CNTNAP5: variants seen among roughly 807,000 people sequenced by gnomAD.
CNTNAP5 encodes contactin-associated protein-like 5.
CNTNAP5 carries 72 observed loss-of-function variants against 150.2 expected under a neutral mutation model. The ratio of observed to expected loss-of-function variants is 0.48; its 90% CI spans 0.40 to 0.58. The LOEUF is 0.58. Among genes scored for constraint, CNTNAP5 ranks in the 20% least tolerant of loss-of-function variants. The pLI is 0.00. For missense variants in CNTNAP5, 1,636 were observed against 1,626.2 expected, an observed-to-expected ratio of 1.01 and a Z score of -0.10; for synonymous variants, 672 against 619.8, an observed-to-expected ratio of 1.08 and a Z score of -1.25.
At chr2:124,686,277 T>C (rs1199892693) in intron 13 of CNTNAP5, among the ~76,000 whole-genome samples, 1 of 151,990 alleles carries the variant, frequency 6.6e-6, no homozygotes, top group African/African-American at 2.4e-5. Flanking sequence ...AAAATTATCA[T>C]ATATTTTGGA....
chr2:124,668,968 C>T (rs375802246), intron 13 of CNTNAP5, among the ~76,000 whole-genome samples: 14 of 152,294 alleles, frequency 9.2e-5, no homozygotes, highest in Middle Eastern at 3.4e-3. Context: ...TTCCCACTTC[C>T]AGAGGTGCCT....
chr2:124,416,640 T>C (rs1021376890), intron 3 of CNTNAP5, among the ~76,000 whole-genome samples: 1 of 152,154 alleles, frequency 6.6e-6, no homozygotes, highest in Non-Finnish European at 1.5e-5. Flanking sequence ...GATTTGGAGA[T>C]TTTTTTCCTT....
chr2:124,119,647 C>T (rs1683514735), intron 1 of CNTNAP5, among the ~76,000 whole-genome samples: 1 of 152,076 alleles, frequency 6.6e-6, no homozygotes. Context: ...GTGGCTCATG[C>T]CTGAGATCCC....
intron 7 of CNTNAP5, 50 bp from the exon 8 acceptor site, chr2:124,504,242 T>A: frequency 3.2e-6 from 5 of 1,575,866 alleles, no homozygotes; most frequent in Non-Finnish European, 4.3e-6. Flanking sequence ...AGCTGTCAGA[T>A]TGCGGAATAA....
At chr2:124,250,223 G>A (rs1306458441) in intron 3 of CNTNAP5, among the ~76,000 whole-genome samples, 2 of 152,110 alleles carry the variant, frequency 1.3e-5, no homozygotes, top group African/African-American at 2.4e-5. Context: ...ACTGGGCTCC[G>A]CCTGCAGAAA....
intron 1 of CNTNAP5, among the ~76,000 whole-genome samples, chr2:124,093,452 AG>A (rs1199517459): frequency 6.6e-6 from 1 of 152,240 alleles, no homozygotes; most frequent in Non-Finnish European, 1.5e-5. Flanking sequence ...GTTAAAGCAC[AG>A]ACAACTCAGA....
At chr2:124,812,435 G>A (rs188003164) in intron 19 of CNTNAP5, among the ~76,000 whole-genome samples, 7 of 151,744 alleles carry the variant, frequency 4.6e-5, no homozygotes, top group Non-Finnish European at 8.8e-5. Context: ...ACTGGTTTAG[G>A]CCATGACAGG....
chr2:124,405,543 T>C (rs1181289126), intron 3 of CNTNAP5, among the ~76,000 whole-genome samples: 2 of 152,188 alleles, frequency 1.3e-5, no homozygotes, highest in African/African-American at 2.4e-5. Flanking sequence ...TCTGATAATT[T>C]TTTTTACTTA....
At chr2:124,844,048 A>T (rs563968491) in intron 19 of CNTNAP5, among the ~76,000 whole-genome samples, 14 of 151,942 alleles carry the variant, frequency 9.2e-5, no homozygotes, top group African/African-American at 3.4e-4. Flanking sequence ...CTTTTCTTGC[A>T]TTTGCTTTGG....
intron 19 of CNTNAP5, among the ~76,000 whole-genome samples, chr2:124,827,125 T>C (rs981638326): frequency 6.6e-6 from 1 of 152,154 alleles, no homozygotes; most frequent in Non-Finnish European, 1.5e-5. Flanking sequence ...GATCTCCCTG[T>C]GTTGCTCAGG....
intron 13 of CNTNAP5, among the ~76,000 whole-genome samples, chr2:124,742,584 A>T (rs1332626806): frequency 6.6e-6 from 1 of 151,808 alleles, no homozygotes; most frequent in African/African-American, 2.4e-5. Context: ...TCTTAGGAGG[A>T]TTTATAGATA....
rs1558743727 is a variant in CNTNAP5 at position 124,707,138 on chromosome 2, GAGGAAGAAGAAGAAGAA to G, written c.2078-40090_2078-40074del. ...GAAGAAGAAGAAAGAAGAAGAAGAA[GAGGAAGAAGAAGAAGAA>G]GAAGAAGAAGAAGAAGAAGAAGAAG... On this transcript the variant is annotated intron_variant, in intron 13 of 23. Coordinates refer to ENST00000682447, the MANE Select transcript of CNTNAP5 (RefSeq NM_001367498.1). Among the ~76,000 whole-genome samples, 22 of 80,242 alleles carry G rather than the reference GAGGAAGAAGAAGAAGAA, an allele frequency of 2.7e-4. 1 individual carries two copies. The highest frequency in any genetic ancestry group is 1.3e-3 in the South Asian group (3 of 2,292). The allele number at this position is 80,242 out of a possible 152,430, so 52.6% of individuals were successfully genotyped here.
chr2:124,246,402 C>A (rs970495914), intron 3 of CNTNAP5, among the ~76,000 whole-genome samples: 7 of 152,120 alleles, frequency 4.6e-5, no homozygotes, highest in Non-Finnish European at 2.9e-5. Flanking sequence ...CCTCGCTTCA[C>A]TAAATAATCA....
chr2:124,590,278 C>T (rs1696650215), intron 11 of CNTNAP5, among the ~76,000 whole-genome samples: 1 of 152,190 alleles, frequency 6.6e-6, no homozygotes, highest in African/African-American at 2.4e-5. Flanking sequence ...CTGCACTCTC[C>T]TATCTCCATT....
intron 19 of CNTNAP5, among the ~76,000 whole-genome samples, chr2:124,801,733 A>G (rs915665778): frequency 6.6e-5 from 10 of 152,168 alleles, no homozygotes; most frequent in African/African-American, 1.9e-4. Context: ...TGTTTGTTCT[A>G]TTAGGCCATT....
chr2:124,578,596 C>T (rs1228480225), intron 11 of CNTNAP5, among the ~76,000 whole-genome samples: 1 of 151,926 alleles, frequency 6.6e-6, no homozygotes, highest in Non-Finnish European at 1.5e-5. Context: ...TACAGTGAAA[C>T]TTTATCTCTA....
chr2:124,647,846 C>G lies in CNTNAP5; in HGVS notation c.1965C>G (p.Ala655=), dbSNP rs753221241. ...GANPEKPYAM[A]LDYGGSMEQL... ...ACCCTGAGAAGCCCTATGCCATGGC[C>G]TTGGACTACGGGGGCAGCATGGAAC... The change falls in exon 13 of 24, where the codon GCC becomes GCG. Residue 655 remains alanine (A), a synonymous_variant. Transcript: ENST00000682447. The G allele has an allele frequency of 3.1e-6, 5 of 1,613,426 alleles. No homozygotes were observed. Among genetic ancestry groups the G allele is most frequent in the Middle Eastern group, 1.6e-4 (1 of 6,082 alleles).
At chr2:124,750,858 C>T (rs1680709033) in intron 14 of CNTNAP5, among the ~76,000 whole-genome samples, 2 of 151,736 alleles carry the variant, frequency 1.3e-5, no homozygotes. Context: ...GTGGTGCGTG[C>T]CTGTAGTTTC....
chr2:124,383,055 A>G lies in CNTNAP5; in HGVS notation c.382-34388A>G, dbSNP rs150294250. Among the ~76,000 whole-genome samples, 745 of 152,288 alleles carry G rather than the reference A, an allele frequency of 4.9e-3. 22 individuals are homozygous for G. Among genetic ancestry groups the G allele is most frequent in the Admixed American group, 0.043 (657 of 15,278 alleles). ...CTTTGCTTTGCTACCTTCTGCATAT[A>G]CACCTTCAGTTTCCTCCAGGTGTCC... On this transcript the variant is annotated intron_variant, in intron 3 of 23. Coordinates refer to ENST00000682447, the MANE Select transcript of CNTNAP5 (RefSeq NM_001367498.1).
Sources: gnomAD v4.1 joint callset for allele counts (sites outside exome capture counted in the v4.1 genomes callset) on GRCh38, gnomAD v4.1.1 for gene constraint, MANE v1.5 for transcripts, NCBI Gene and HGNC (gene_info 2026-07-23, HGNC 2026-07-21) for gene names.